TMEM131: variants seen among roughly 807,000 people sequenced by gnomAD.
TMEM131 encodes 2610524E03Rik.
A neutral mutation model predicts 211.6 loss-of-function variants in TMEM131; 66 were observed. The ratio of observed to expected loss-of-function variants is 0.31; its 90% confidence interval spans 0.26 to 0.38. The LOEUF (loss-of-function observed/expected upper bound fraction) is 0.38. Ranked by LOEUF, TMEM131 falls within the 10% of genes least tolerant of loss-of-function variation. The pLI is 1.00. For missense variants in TMEM131, 2,036 were observed against 2,299.3 expected (o/e 0.89, Z 2.34); for synonymous variants, 844 against 841.3 (o/e 1.00, Z -0.06).
chr2:97,983,406 G>A (rs1679885963), intron 1 of TMEM131, among the ~76,000 whole-genome samples: 1 of 152,130 alleles, frequency 6.6e-6, no homozygotes, highest in Non-Finnish European at 1.5e-5. Context: ...GGTCTCTTCA[G>A]TTCTCTTCAG....
At chr2:97,759,313 T>C in intron 39 of TMEM131, 1 of 557,422 alleles carries the variant, frequency 1.8e-6, no homozygotes, top group Non-Finnish European at 3.2e-6. Context: ...AATGGGAAGC[T>C]TCCATGGTGA....
intron 22 of TMEM131, 127 bp from the exon 23 acceptor site, chr2:97,802,917 T>A: frequency 1.3e-6 from 1 of 750,822 alleles, no homozygotes; most frequent in South Asian, 2.1e-5. Flanking sequence ...CATTTATTCA[T>A]TCTAATATTT....
chr2:97,860,569 G>T (rs1674027460), intron 4 of TMEM131, among the ~76,000 whole-genome samples: 1 of 152,170 alleles, frequency 6.6e-6, no homozygotes, highest in East Asian at 1.9e-4. Context: ...CCATGCTTTT[G>T]TTCTTCAAGA....
At chr2:97,908,776 T>C in intron 2 of TMEM131, 78 bp from the exon 3 acceptor site, 3 of 1,250,224 alleles carry the variant, frequency 2.4e-6, no homozygotes, top group Non-Finnish European at 3.4e-6. Context: ...ATCCAAAATA[T>C]TCTATTTTAG....
At chr2:97,781,792 T>C (rs1208092690) in intron 31 of TMEM131, among the ~76,000 whole-genome samples, 1 of 152,132 alleles carries the variant, frequency 6.6e-6, no homozygotes, top group Non-Finnish European at 1.5e-5. Flanking sequence ...GGGTTTTCTT[T>C]TTGCCACACA....
rs575751079 is a variant in TMEM131 at position 97,814,937 on chromosome 2, T to A, written c.1292+262A>T. Among the ~76,000 whole-genome samples, 3 of 152,318 alleles carry A rather than the reference T, an allele frequency of 2.0e-5. No individual in the cohort carries two copies. The South Asian group carries it at 6.2e-4, about 32-fold the overall frequency. Reference sequence around the variant, plus strand: ...GAAATGGTTCAAATGATTTAAATAATATTTAAAAAATCAGATTTTTGAATC... The same window carrying A: ...GAAATGGTTCAAATGATTTAAATAAAATTTAAAAAATCAGATTTTTGAATC... On this transcript the variant is annotated intron_variant, in intron 13 of 40. Transcript: ENST00000186436.
rs140197878 is a variant in TMEM131, at chr2:97,796,099, G to GA, written c.3200+118dup. On this transcript the variant is annotated intron_variant, in intron 28 of 40. Transcript: ENST00000186436. ...GAAATACCTTAGCCAAAGATTAAGT[G>GA]AAAAAAAAACAAATGAATGCATTTG... is the stretch of plus-strand genomic sequence containing the variant. The GA allele has an allele frequency of 7.0e-3, 3,987 of 568,738 alleles. 22 individuals carry two copies. Among genetic ancestry groups the GA allele is most frequent in the African/African-American group, 0.026 (1,273 of 49,516 alleles). 35.2% of individuals were successfully genotyped at this position (568,738 alleles called of 1,614,324 possible).
At chr2:97,920,668 T>C (rs1417303889) in intron 2 of TMEM131, among the ~76,000 whole-genome samples, 1 of 152,162 alleles carries the variant, frequency 6.6e-6, no homozygotes, top group East Asian at 1.9e-4. Flanking sequence ...ATTGCCACTT[T>C]TATAGATCAA....
chr2:97,886,131 C>G (rs900903000), intron 4 of TMEM131, among the ~76,000 whole-genome samples: 1 of 151,934 alleles, frequency 6.6e-6, no homozygotes, highest in Non-Finnish European at 1.5e-5. Context: ...TGTTATGTTA[C>G]CTGTCTCTTT....
chr2:97,762,220 G>A lies in TMEM131; in HGVS notation c.4724-20C>T, dbSNP rs759850988. On this transcript the variant is annotated intron_variant, in intron 35 of 40. Coordinates refer to ENST00000186436, the MANE Select transcript of TMEM131 (RefSeq NM_015348.2). Reference sequence around the variant, plus strand: ...CAGTAGCTGGAAATTAAAAACAAACGGGCTCGTTAGTGTGGTGTTTTGATT... The same window carrying A: ...CAGTAGCTGGAAATTAAAAACAAACAGGCTCGTTAGTGTGGTGTTTTGATT... 2.0e-5 allele frequency: 32 copies of A among 1,612,920 alleles called. No homozygotes were observed. The highest frequency in any genetic ancestry group is 2.4e-5 in the Non-Finnish European group (28 of 1,179,286).
At chr2:97,784,816 T>G (rs1262635087) in intron 31 of TMEM131, among the ~76,000 whole-genome samples, 3 of 152,120 alleles carry the variant, frequency 2.0e-5, no homozygotes, top group Non-Finnish European at 4.4e-5. Flanking sequence ...CACAAAGCTG[T>G]TCTTTGATTA....
At chr2:97,849,113 C>A (rs575049951) in intron 5 of TMEM131, among the ~76,000 whole-genome samples, 1 of 152,162 alleles carries the variant, frequency 6.6e-6, no homozygotes, top group Admixed American at 6.5e-5. Context: ...TAACACTGTA[C>A]ACCTAGCTGA....
intron 1 of TMEM131, among the ~76,000 whole-genome samples, chr2:97,980,828 A>G (rs1246887777): frequency 6.6e-6 from 1 of 152,138 alleles, no homozygotes; most frequent in Non-Finnish European, 1.5e-5. Context: ...CTCAAATTAT[A>G]CACACTAATT....
At chr2:97,968,863 G>A (rs1679172328) in intron 1 of TMEM131, among the ~76,000 whole-genome samples, 1 of 151,996 alleles carries the variant, frequency 6.6e-6, no homozygotes, top group South Asian at 2.1e-4. Flanking sequence ...TGGGAGGATG[G>A]TTAGAGGTCT....
In TMEM131 at chr2:97,792,807, T is replaced by A; in HGVS notation, c.3723A>T (p.Ser1241=). The change falls in exon 31 of 41, where the codon TCA becomes TCT. Residue 1241 remains serine (S), a synonymous_variant. Transcript: ENST00000186436. ...GAGCAGAAGTCCTACTAGAGGTACT[T>A]GAACTGTTTTTGGCTCTGACGTTTT... ...DVENVRAKNS[S]STSSRTSAQA... 6.2e-7 allele frequency: 1 copy of A among 1,613,982 alleles called. No homozygotes were observed. The highest frequency in any genetic ancestry group is 8.5e-7 in the Non-Finnish European group (1 of 1,179,884).
At position 97,809,892 on chromosome 2, in the gene TMEM131, C is replaced by T. The variant is rs1322723491; in HGVS notation, c.1969-118G>A. The T allele has an allele frequency of 5.9e-6, 4 of 683,136 alleles. No individual in the cohort carries two copies. The Admixed American group carries it at 9.6e-5, about 16-fold the overall frequency. The allele number at this position is 683,136 out of a possible 1,614,324, so 42.3% of individuals were successfully genotyped here. On this transcript the variant is annotated intron_variant, in intron 18 of 40. Transcript: ENST00000186436. ...TGGGACTAATATTGACAATAACCAGCTCCATACCAATATTAAAATCACCCA... is the reference window on the plus strand; with the variant it reads ...TGGGACTAATATTGACAATAACCAGTTCCATACCAATATTAAAATCACCCA...
At chr2:97,816,216 C>T (rs1489253056) in intron 12 of TMEM131, among the ~76,000 whole-genome samples, 1 of 152,104 alleles carries the variant, frequency 6.6e-6, no homozygotes, top group Non-Finnish European at 1.5e-5. Context: ...TGGCACGTGC[C>T]TGTAATCTCA....
At position 97,995,709 on chromosome 2, in the gene TMEM131, C is replaced by G. The variant is rs1031643572; in HGVS notation, c.-47G>C. The G allele has an allele frequency of 1.2e-5, 14 of 1,168,400 alleles. No homozygotes were observed. The African/African-American group carries it at 1.9e-4, about 16-fold the overall frequency. The allele number at this position is 1,168,400 out of a possible 1,614,324, so 72.4% of individuals were successfully genotyped here. On this transcript the variant is annotated 5_prime_UTR_variant, in exon 1 of 41. Coordinates refer to ENST00000186436, the MANE Select transcript of TMEM131 (RefSeq NM_015348.2). Reference sequence around the variant, plus strand: ...GCGCTCGAGGTCCGGCGCGGCCCTTCTCGGCGAGGCGGCGGCGGCGCGGAA... The same window carrying G: ...GCGCTCGAGGTCCGGCGCGGCCCTTGTCGGCGAGGCGGCGGCGGCGCGGAA...
intron 2 of TMEM131, among the ~76,000 whole-genome samples, chr2:97,916,487 C>T (rs908045754): frequency 2.6e-5 from 4 of 152,224 alleles, no homozygotes; most frequent in Non-Finnish European, 5.9e-5. Flanking sequence ...CCTCTGATGA[C>T]GGCTTTCTAG....
Sources: gnomAD v4.1 joint callset for allele counts (sites outside exome capture counted in the v4.1 genomes callset) on GRCh38, gnomAD v4.1.1 for gene constraint, MANE v1.5 for transcripts, NCBI Gene and HGNC (gene_info 2026-07-23, HGNC 2026-07-21) for gene names.